TMEM45B: variants seen among roughly 807,000 people sequenced by gnomAD.
TMEM45B encodes the protein transmembrane protein 45B.
A neutral mutation model predicts 27.3 loss-of-function variants in TMEM45B; 29 were observed. That is an observed-to-expected ratio of 1.06 (90% CI 0.79 to 1.45). The LOEUF is 1.45. Ranked by LOEUF, TMEM45B falls within the 40% of genes most tolerant of loss-of-function variation. The probability of loss-of-function intolerance (pLI) is 0.00; values close to 1 mark genes in which losing one functional copy is unlikely to be tolerated. For synonymous variants in TMEM45B, 143 were observed against 134.7 expected, an observed-to-expected ratio of 1.06 and a Z score of -0.43; for missense variants, 348 against 343.9, an observed-to-expected ratio of 1.01 and a Z score of -0.09.
intron 5 of TMEM45B, 67 bp from the exon 6 acceptor site, chr11:129,858,507 T>C (rs1327321789): frequency 1.7e-6 from 2 of 1,147,452 alleles, no homozygotes; most frequent in Non-Finnish European, 2.5e-6. Context: ...AGTAGATGCC[T>C]TCACATCCTT....
chr11:129,834,549 G>A (rs528246783), intron 1 of TMEM45B, among the ~76,000 whole-genome samples: 82 of 152,194 alleles, frequency 5.4e-4, no homozygotes, highest in African/African-American at 1.8e-3. Flanking sequence ...CATGGCTCAC[G>A]CCGGTAGTCC....
chr11:129,858,292 G>A (rs1179377514), intron 5 of TMEM45B, among the ~76,000 whole-genome samples: 1 of 152,140 alleles, frequency 6.6e-6, no homozygotes, highest in African/African-American at 2.4e-5. Context: ...CAAAGAGAAG[G>A]GAGCTCAAGT....
intron 1 of TMEM45B, among the ~76,000 whole-genome samples, chr11:129,844,094 T>C (rs1028961027): frequency 6.6e-6 from 1 of 152,150 alleles, no homozygotes; most frequent in African/African-American, 2.4e-5. Flanking sequence ...TGTATATATA[T>C]ATAGAATGGG....
At chr11:129,833,851 C>G (rs1490734650) in intron 1 of TMEM45B, among the ~76,000 whole-genome samples, 1 of 152,240 alleles carries the variant, frequency 6.6e-6, no homozygotes. Flanking sequence ...AGGCGGTCAT[C>G]TGCAAGCCCA....
At chr11:129,843,734 A>G (rs1449785369) in intron 1 of TMEM45B, among the ~76,000 whole-genome samples, 6 of 152,224 alleles carry the variant, frequency 3.9e-5, no homozygotes, top group Admixed American at 6.5e-5. Context: ...CAAAGTCACA[A>G]TAAGATATTA....
In TMEM45B at chr11:129,859,750, G is replaced by A. The variant is rs1947982902; in HGVS notation, c.*1065G>A. On this transcript the variant is annotated 3_prime_UTR_variant, in exon 6 of 6. Transcript: ENST00000281441. The stretch of plus-strand genomic sequence containing the variant: ...CAAGAGAATGGCATGAACCCGGTAG[G>A]GGAGCTTGCAGTGAGCCCAGATCAT... 6.6e-6 allele frequency: 1 copy of A among 152,142 alleles called. No homozygotes were observed. Among genetic ancestry groups the A allele is most frequent in the African/African-American group, 2.4e-5 (1 of 41,404 alleles). The allele number at this position is 152,142 out of a possible 1,614,324, so 9.4% of individuals were successfully genotyped here. A position where few individuals can be genotyped will look rare whatever the true frequency, so the allele number is the denominator to read the frequency against.
chr11:129,852,799 T>TTTTATCGTA, intron 2 of TMEM45B, 139 bp downstream of exon 2: 1 of 838,342 alleles, frequency 1.2e-6, no homozygotes. Context: ...CACTAGACTA[T>TTTTATCGTA]TTTATCGTAA....
At chr11:129,841,242 G>A (rs960654471) in intron 1 of TMEM45B, among the ~76,000 whole-genome samples, 1 of 152,110 alleles carries the variant, frequency 6.6e-6, no homozygotes, top group African/African-American at 2.4e-5. Flanking sequence ...GCAGTGGCTG[G>A]GGGGTTGAAA....
At chr11:129,854,993 A>C (rs1947901012) in intron 3 of TMEM45B, among the ~76,000 whole-genome samples, 177 bp downstream of exon 3, 1 of 152,222 alleles carries the variant, frequency 6.6e-6, no homozygotes, top group African/African-American at 2.4e-5. Flanking sequence ...GGGCCAGGTG[A>C]CATATTCCCT....
chr11:129,856,323 T>C (rs910928963), intron 4 of TMEM45B, among the ~76,000 whole-genome samples: 1 of 151,994 alleles, frequency 6.6e-6, no homozygotes, highest in Non-Finnish European at 1.5e-5. Flanking sequence ...GCGATTCTCA[T>C]GCCTCAGCCT....
chr11:129,831,777 G>A (rs2875151), intron 1 of TMEM45B, among the ~76,000 whole-genome samples: 43,891 of 151,922 alleles, frequency 0.29, 6,589 homozygotes, highest in South Asian at 0.35. Context: ...CCATAAAAAG[G>A]AATGAAGTGG....
At chr11:129,830,618 T>G (rs1947536442) in intron 1 of TMEM45B, among the ~76,000 whole-genome samples, 1 of 152,194 alleles carries the variant, frequency 6.6e-6, no homozygotes, top group Non-Finnish European at 1.5e-5. Flanking sequence ...TAAAGAACTA[T>G]TACAACTCAA....
intron 1 of TMEM45B, among the ~76,000 whole-genome samples, chr11:129,840,667 G>A (rs902598678): frequency 2.0e-5 from 3 of 152,068 alleles, no homozygotes; most frequent in Admixed American, 1.3e-4. Flanking sequence ...TGGATCACTT[G>A]AGGTCAGGAG....
At position 129,858,865 on chromosome 11, in the gene TMEM45B, T is replaced by G; in HGVS notation, c.*180T>G. 4.3e-6 allele frequency: 2 copies of G among 461,622 alleles called. No individual in the cohort carries two copies. Among genetic ancestry groups the G allele is most frequent in the Non-Finnish European group, 7.8e-6 (2 of 256,748 alleles). The allele number at this position is 461,622 out of a possible 1,614,324, so 28.6% of individuals were successfully genotyped here. A position where few individuals can be genotyped will look rare whatever the true frequency, so the allele number is the denominator to read the frequency against. On this transcript the variant is annotated 3_prime_UTR_variant, in exon 6 of 6. Coordinates refer to ENST00000281441, the MANE Select transcript of TMEM45B (RefSeq NM_138788.5). ...CAGGCCTACAGCATCCTGTGTATCT[T>G]GCAGTTGGGATTTTTAAACATACTA...
chr11:129,841,781 A>ACAAT (rs1458818705), intron 1 of TMEM45B, among the ~76,000 whole-genome samples: 33 of 152,000 alleles, frequency 2.2e-4, no homozygotes, highest in Non-Finnish European at 2.9e-5. Flanking sequence ...TATTTTTAGT[A>ACAAT]GAGATGGGGT....
chr11:129,857,427 A>T lies in TMEM45B; in HGVS notation c.685A>T (p.Ile229Phe), dbSNP rs1376143912. The change falls in exon 5 of 6, where the codon ATT (isoleucine) becomes TTT (phenylalanine). Residue 229 changes from isoleucine (I) to phenylalanine (F), a missense_variant. Physicochemically the swap from Ile to Phe is conservative, Grantham distance 21 (BLOSUM62 0). Transcript: ENST00000281441. ...FCWHYLAALS[I>F]VAVNYSLVYC... ...CTGGCACTACCTGGCTGCCCTCAGC[A>T]TTGTGGCCGTCAACTATTCTCTTGT... 1 of 1,614,156 alleles carries T rather than the reference A, an allele frequency of 6.2e-7. No homozygotes were observed. The highest frequency in any genetic ancestry group is 1.7e-5 in the Admixed American group (1 of 60,018).
chr11:129,854,758 C>T lies in TMEM45B; in HGVS notation c.327C>T (p.Val109=), dbSNP rs370135804. The T allele has an allele frequency of 1.2e-6, 2 of 1,614,096 alleles. No individual in the cohort carries two copies. The highest frequency in any genetic ancestry group is 2.7e-5 in the African/African-American group (2 of 74,940). Residue 109 remains valine (V), a synonymous_variant, in exon 3 of 6, where the codon GTC becomes GTT. Transcript: ENST00000281441. ...SGIVDMLTYL[V]SHVPLGVDRL... ...TTGTTGACATGCTCACCTATCTGGT[C>T]AGCCACGTTCCCTTGGGGGTGGACA...
chr11:129,852,473 A>T lies in TMEM45B; in HGVS notation c.-8-2A>T. The T allele has an allele frequency of 7.0e-6, 11 of 1,580,032 alleles. No homozygotes were observed. Among genetic ancestry groups the T allele is most frequent in the Non-Finnish European group, 9.5e-6 (11 of 1,154,878 alleles). Reference sequence around the variant, plus strand: ...CCTAACAGCCTTCCCCTAATTTTTTAGGTGTCCTGATGGCAAATTTCAAGG... The same window carrying T: ...CCTAACAGCCTTCCCCTAATTTTTTTGGTGTCCTGATGGCAAATTTCAAGG... On this transcript the variant is annotated splice_acceptor_variant, in intron 1 of 5. Transcript: ENST00000281441. LOFTEE classifies it low-confidence loss of function (5UTR_SPLICE).
At chr11:129,854,559 T>A in intron 2 of TMEM45B, 51 bp from the exon 3 acceptor site, 1 of 1,581,762 alleles carries the variant, frequency 6.3e-7, no homozygotes, top group Non-Finnish European at 8.6e-7. Context: ...TGCTCCTATT[T>A]GTCTTAGAGC....
Sources: gnomAD v4.1 joint callset for allele counts (sites outside exome capture counted in the v4.1 genomes callset) on GRCh38, gnomAD v4.1.1 for gene constraint, MANE v1.5 for transcripts, NCBI Gene and HGNC (gene_info 2026-07-23, HGNC 2026-07-21) for gene names.